The following PRKG1 variants were observed in gnomAD, a reference collection of about 807,000 sequenced individuals.
The protein encoded by PRKG1 is protein kinase cGMP-dependent 1.
In PRKG1, 35 loss-of-function variants were observed where a neutral mutation model predicts 88.1. The ratio of observed to expected loss-of-function variants is 0.40; its 90% CI spans 0.30 to 0.53. The LOEUF is 0.53. Ranked by LOEUF, PRKG1 falls within the 20% of genes least tolerant of loss-of-function variation. The probability of loss-of-function intolerance (pLI) is 0.59; values close to 1 mark genes in which losing one functional copy is unlikely to be tolerated. For synonymous variants in PRKG1, 303 were observed against 292.5 expected (o/e 1.04, Z -0.37); for missense variants, 540 against 839.8 (o/e 0.64, Z 4.41).
chr10:51,221,246 CT>C (rs1207257428), intron 2 of PRKG1, among the ~76,000 whole-genome samples: 1 of 151,876 alleles, frequency 6.6e-6, no homozygotes. Context: ...AAGACAATGA[CT>C]TTTTTATCTG....
chr10:51,160,574 C>T (rs1846332747), intron 2 of PRKG1, among the ~76,000 whole-genome samples: 1 of 152,164 alleles, frequency 6.6e-6, no homozygotes, highest in African/African-American at 2.4e-5. Flanking sequence ...TTCTGATTGT[C>T]TCTCATATCC....
chr10:51,428,874 A>C (rs1222256581), intron 2 of PRKG1, among the ~76,000 whole-genome samples: 1 of 152,218 alleles, frequency 6.6e-6, no homozygotes, highest in Non-Finnish European at 1.5e-5. Context: ...AGGACAGTAG[A>C]TTCACCAAAA....
At chr10:51,331,636 T>C (rs1434464032) in intron 2 of PRKG1, among the ~76,000 whole-genome samples, 13 of 152,182 alleles carry the variant, frequency 8.5e-5, no homozygotes, top group Admixed American at 8.5e-4. Flanking sequence ...TCTTTTCTTA[T>C]TATTGTGCTG....
intron 7 of PRKG1, among the ~76,000 whole-genome samples, chr10:52,066,788 T>TA: frequency 6.6e-6 from 1 of 152,316 alleles, no homozygotes; most frequent in Admixed American, 6.5e-5. Context: ...ATCTGATTTT[T>TA]TAAAAAAGCT....
chr10:52,086,407 A>ATTT (rs34889827), intron 7 of PRKG1, among the ~76,000 whole-genome samples: 12 of 140,362 alleles, frequency 8.5e-5, no homozygotes, highest in South Asian at 2.2e-4. Context: ...TATAGGTATG[A>ATTT]TTTTTTTTTT....
chr10:51,323,460 T>C (rs1215139787), intron 2 of PRKG1, among the ~76,000 whole-genome samples: 2 of 152,204 alleles, frequency 1.3e-5, no homozygotes, highest in African/African-American at 2.4e-5. Flanking sequence ...AAGAACAAGT[T>C]ATTTAACTCC....
At chr10:51,592,263 G>A (rs1411030373) in intron 3 of PRKG1, among the ~76,000 whole-genome samples, 2 of 152,136 alleles carry the variant, frequency 1.3e-5, no homozygotes, top group Non-Finnish European at 2.9e-5. Flanking sequence ...CTGAAATAAA[G>A]CCTCCAGACC....
intron 1 of PRKG1, among the ~76,000 whole-genome samples, chr10:51,103,597 G>T (rs547027759): frequency 1.8e-4 from 28 of 152,220 alleles, no homozygotes; most frequent in African/African-American, 5.3e-4. Context: ...TGTAATAAAG[G>T]ATGTGCATCA....
At chr10:51,684,511 A>G (rs1029396698) in intron 3 of PRKG1, among the ~76,000 whole-genome samples, 3 of 152,226 alleles carry the variant, frequency 2.0e-5, no homozygotes, top group African/African-American at 7.2e-5. Context: ...AAAAAAAGAC[A>G]CCATGGGAAA....
At chr10:51,965,031 C>T (rs573122366) in intron 5 of PRKG1, among the ~76,000 whole-genome samples, 10 of 152,174 alleles carry the variant, frequency 6.6e-5, no homozygotes, top group African/African-American at 2.2e-4. Context: ...GAAATTTGTT[C>T]TTATAAAAGC....
intron 3 of PRKG1, among the ~76,000 whole-genome samples, chr10:51,785,928 G>T (rs555394878): frequency 6.6e-6 from 1 of 152,086 alleles, no homozygotes; most frequent in African/African-American, 2.4e-5. Context: ...ACATAATAAC[G>T]CATCTGTAGC....
At chr10:51,259,390 C>G (rs1306741953) in intron 2 of PRKG1, among the ~76,000 whole-genome samples, 1 of 152,220 alleles carries the variant, frequency 6.6e-6, no homozygotes, top group Non-Finnish European at 1.5e-5. Flanking sequence ...GTGCTGAGAA[C>G]TGTGCTAAGT....
intron 2 of PRKG1, among the ~76,000 whole-genome samples, chr10:51,269,347 A>G (rs938102956): frequency 2.6e-5 from 4 of 152,184 alleles, no homozygotes; most frequent in Non-Finnish European, 4.4e-5. Flanking sequence ...ATAGAATACC[A>G]TTTAATCCAC....
intron 1 of PRKG1, among the ~76,000 whole-genome samples, chr10:51,039,988 A>G (rs1398237174): frequency 6.6e-6 from 1 of 152,162 alleles, no homozygotes; most frequent in Non-Finnish European, 1.5e-5. Context: ...GCTCTGTAAT[A>G]TAATTTGAAG....
rs192434183 is a variant in PRKG1, at chr10:51,946,454, T to C, written c.762+38884T>C. ...TTTGATCGCCTGAAGCCTTCTTCTC[T>C]CAACTCGTCAAAGTCATTCTCTGTC... is the stretch of plus-strand genomic sequence containing the variant. On this transcript the variant is annotated intron_variant, in intron 5 of 17. Coordinates refer to ENST00000373980, the MANE Select transcript of PRKG1 (RefSeq NM_006258.4). Among the ~76,000 whole-genome samples the C allele has an allele frequency of 2.3e-3, 346 of 152,242 alleles. 4 individuals carry two copies. The highest frequency in any genetic ancestry group is 7.6e-3 in the African/African-American group (314 of 41,474).
rs1056276235 is a variant in PRKG1 at position 51,083,502 on chromosome 10, C to T, written c.311+8601C>T. On this transcript the variant is annotated intron_variant, in intron 1 of 17. Coordinates refer to ENST00000373980, the MANE Select transcript of PRKG1 (RefSeq NM_006258.4). Reference sequence around the variant, plus strand: ...TCTCTCTTGGTATGTGATGTCTCTGCAGCCAGCTACAGTTTTTTTTTTTTT... The same window carrying T: ...TCTCTCTTGGTATGTGATGTCTCTGTAGCCAGCTACAGTTTTTTTTTTTTT... Among the ~76,000 whole-genome samples the T allele has an allele frequency of 2.4e-5, 3 of 124,862 alleles. No homozygotes were observed. In the Admixed American group the frequency reaches 2.7e-4, roughly 11 times the overall value. 81.9% of individuals were successfully genotyped at this position (124,862 alleles called of 152,430 possible). A position where few individuals can be genotyped will look rare whatever the true frequency, so the allele number is the denominator to read the frequency against.
rs116821871 is a variant in PRKG1, at chr10:51,612,540, T to G, written c.592+144704T>G. 4.5e-3 allele frequency among the ~76,000 whole-genome samples: 680 copies of G among 152,210 alleles called. 6 individuals carry two copies. Among genetic ancestry groups the G allele is most frequent in the African/African-American group, 0.016 (650 of 41,574 alleles). ...AAAATTTTTTGTGGAATCTTTTGGT[T>G]TTTCTATATATAAAGTGTGTCATTT... is the stretch of plus-strand genomic sequence containing the variant. On this transcript the variant is annotated intron_variant, in intron 3 of 17. Coordinates refer to ENST00000373980, the MANE Select transcript of PRKG1 (RefSeq NM_006258.4).
intron 2 of PRKG1, among the ~76,000 whole-genome samples, chr10:51,222,132 G>A (rs111884964): frequency 1.5e-4 from 4 of 25,808 alleles, no homozygotes; most frequent in African/African-American, 4.1e-4. Context: ...GCCCCCCCCC[G>A]ACCCCAGCCT....
intron 2 of PRKG1, among the ~76,000 whole-genome samples, chr10:51,353,928 A>G (rs1490499642): frequency 1.3e-5 from 2 of 152,142 alleles, no homozygotes; most frequent in African/African-American, 4.8e-5. Context: ...TGTGATATCT[A>G]TATCTAATGG....
Sources: allele counts gnomAD v4.1 joint callset (sites outside exome capture counted in the v4.1 genomes callset), GRCh38; gene constraint gnomAD v4.1.1; transcripts MANE v1.5; gene names NCBI Gene and HGNC (gene_info 2026-07-23, HGNC 2026-07-21).